The following CINP variants were observed in gnomAD, a reference collection of about 807,000 sequenced individuals.
The protein encoded by CINP is cyclin-dependent kinase 2-interacting protein.
A neutral mutation model predicts 20.5 loss-of-function variants in CINP; 11 were observed. That is an observed-to-expected ratio of 0.54 (90% CI 0.34 to 0.89). The LOEUF (loss-of-function observed/expected upper bound fraction) is 0.89. CINP is among the 40% of genes least tolerant of loss of function. The pLI is 0.02. For synonymous variants in CINP, 108 were observed against 102.1 expected, an observed-to-expected ratio of 1.06 and a Z score of -0.35; for missense variants, 213 against 251.0, an observed-to-expected ratio of 0.85 and a Z score of 1.02.
At chr14:102,350,967 A>G (rs1270656243) in intron 3 of CINP, among the ~76,000 whole-genome samples, 1 of 152,048 alleles carries the variant, frequency 6.6e-6, no homozygotes, top group African/African-American at 2.4e-5. Context: ...CTGGGATTGC[A>G]GGCATGTGCC....
intron 3 of CINP, among the ~76,000 whole-genome samples, chr14:102,350,314 G>C (rs1322556770): frequency 6.6e-6 from 1 of 151,924 alleles, no homozygotes; most frequent in Admixed American, 6.6e-5. Context: ...CATTTCACTA[G>C]GATTTCCAAA....
chr14:102,357,383 A>AC (rs1597749592), intron 2 of CINP, among the ~76,000 whole-genome samples: 1 of 83,330 alleles, frequency 1.2e-5, no homozygotes, highest in South Asian at 5.7e-4. Flanking sequence ...CTCCATCTCT[A>AC]CAAAAAAAAA....
chr14:102,351,916 G>C lies in CINP; in HGVS notation c.307-1868C>G, dbSNP rs1233100936. ...TTTGTTTTTTTTGAGACAGAGTCTCGCTTTGTCACCCAGGCTGGAGTGCAG... is the reference window on the plus strand; with the variant it reads ...TTTGTTTTTTTTGAGACAGAGTCTCCCTTTGTCACCCAGGCTGGAGTGCAG... On this transcript the variant is annotated intron_variant, in intron 3 of 4. Transcript: ENST00000216756. This position sits in a 1 kb window ranked among gnomAD's most constrained non-coding sequence, Gnocchi z 4.2. Among the ~76,000 whole-genome samples the C allele has an allele frequency of 6.6e-6, 1 of 151,930 alleles. No homozygotes were observed. The highest frequency in any genetic ancestry group is 2.1e-4 in the South Asian group (1 of 4,818).
Position 102,350,397 on chromosome 14 carries a change from C to CT in CINP, c.307-350dup, listed in dbSNP as rs562589337. Reference sequence around the variant, plus strand: ...GCTCTTGCTGCCTTTTTTTTTTTTTCTTTTTTTTTTTGCGACAGGGTCTCA... The same window carrying CT: ...GCTCTTGCTGCCTTTTTTTTTTTTTCTTTTTTTTTTTTGCGACAGGGTCTCA... On this transcript the variant is annotated intron_variant, in intron 3 of 4. Coordinates refer to ENST00000216756, the MANE Select transcript of CINP (RefSeq NM_032630.3). Among the ~76,000 whole-genome samples, 267 of 126,624 alleles carry CT rather than the reference C, an allele frequency of 2.1e-3. 3 individuals carry two copies. Among genetic ancestry groups the CT allele is most frequent in the African/African-American group, 3.9e-3 (129 of 32,948 alleles). The allele number at this position is 126,624 out of a possible 152,430, so 83.1% of individuals were successfully genotyped here.
Position 102,349,992 on chromosome 14 carries a change from T to C in CINP, c.363A>G (p.Glu121=). The stretch of plus-strand genomic sequence containing the variant: ...CCTCCCCATAATGGTAGTTTTCTAG[T>C]TCACAAATTCCCTTGGTAGTTGAAG... ...KLSSTTKGIC[E]LENYHYGEES... The change falls in exon 4 of 5, where the codon GAA becomes GAG. Residue 121 remains glutamate, a synonymous_variant. Transcript: ENST00000216756. 1.2e-6 allele frequency: 2 copies of C among 1,613,960 alleles called. No homozygotes were observed. Among genetic ancestry groups the C allele is most frequent in the Non-Finnish European group, 8.5e-7 (1 of 1,179,868 alleles).
At chr14:102,353,717 CTG>C (rs1428661637) in intron 3 of CINP, among the ~76,000 whole-genome samples, 3 of 152,170 alleles carry the variant, frequency 2.0e-5, no homozygotes, top group Admixed American at 2.0e-4. Flanking sequence ...GTCTGAGAAA[CTG>C]TCACGGCCAA....
intron 4 of CINP, 33 bp downstream of exon 4, chr14:102,349,886 C>A: frequency 1.9e-6 from 3 of 1,612,580 alleles, no homozygotes; most frequent in Non-Finnish European, 2.5e-6. Context: ...AACCTTTACC[C>A]TCCTGAAAAT....
chr14:102,348,722 C>T lies in CINP; in HGVS notation c.474G>A (p.Lys158=), dbSNP rs185815549. 19 of 1,613,912 alleles carry T rather than the reference C, an allele frequency of 1.2e-5. No individual in the cohort carries two copies. The East Asian group carries it at 4.2e-4, about 36-fold the overall frequency. ...CCACCGTGCGCTTCAGGAGCAGCTC[C>T]TTCCTGTACATCTCCAAGAGCTTAT... ...VSHKLLEMYR[K]ELLLKRTVAK... is the part of the protein sequence containing the mutation. Residue 158 remains lysine (K), a synonymous_variant, in exon 5 of 5, where the codon AAG becomes AAA. Transcript: ENST00000216756.
At chr14:102,352,939 G>A (rs2139628351) in intron 3 of CINP, among the ~76,000 whole-genome samples, 1 of 151,728 alleles carries the variant, frequency 6.6e-6, no homozygotes, top group South Asian at 2.1e-4. Flanking sequence ...ATGAGCCACT[G>A]CGCCTGGCCA....
rs553794261 is a variant in CINP, at chr14:102,359,381, T to G, written c.176+38A>C. ...ACATTATTTCCCCAGTTATTAAGGG[T>G]GAAAAACTTAGAGCATGAAAAACCA... On this transcript the variant is annotated intron_variant, in intron 2 of 4. Transcript: ENST00000216756. The G allele has an allele frequency of 3.7e-5, 54 of 1,479,396 alleles. No homozygotes were observed. The South Asian group carries it at 6.7e-4, about 18-fold the overall frequency. 91.6% of individuals were successfully genotyped at this position (1,479,396 alleles called of 1,614,324 possible).
rs532631710 is a variant in CINP, at chr14:102,357,382, T to C, written c.177-1485A>G. Among the ~76,000 whole-genome samples, 20 of 5,104 alleles carry C rather than the reference T, an allele frequency of 3.9e-3. No homozygotes were observed. In the East Asian group the frequency reaches 0.061, roughly 16 times the overall value. 3.3% of individuals were successfully genotyped at this position (5,104 alleles called of 152,430 possible). On this transcript the variant is annotated intron_variant, in intron 2 of 4. Coordinates refer to ENST00000216756, the MANE Select transcript of CINP (RefSeq NM_032630.3). Reference sequence around the variant, plus strand: ...GAGCGACAGAGCGAGACTCCATCTCTACAAAAAAAAAAAAAAAAAAGCTAA... The same window carrying C: ...GAGCGACAGAGCGAGACTCCATCTCCACAAAAAAAAAAAAAAAAAAGCTAA...
intron 3 of CINP, among the ~76,000 whole-genome samples, chr14:102,353,813 G>A (rs1054332155): frequency 6.6e-6 from 1 of 152,088 alleles, no homozygotes; most frequent in African/African-American, 2.4e-5. Flanking sequence ...CTAAGGCAGG[G>A]CGCCAGGGCT....
intron 1 of CINP, 56 bp downstream of exon 1, chr14:102,362,789 C>A (rs1597753484): frequency 6.2e-7 from 1 of 1,611,048 alleles, no homozygotes; most frequent in Non-Finnish European, 8.5e-7. Flanking sequence ...AACCTGCGGC[C>A]TAAGCAGTAA....
intron 3 of CINP, 143 bp from the exon 4 acceptor site, chr14:102,350,191 A>G (rs1296468054): frequency 3.0e-6 from 2 of 671,970 alleles, no homozygotes; most frequent in Non-Finnish European, 2.4e-6. Flanking sequence ...CTCTACGTAC[A>G]GCAAATTCCC....
chr14:102,355,473 C>T, intron 3 of CINP: 1 of 243,712 alleles, frequency 4.1e-6, no homozygotes, highest in Non-Finnish European at 8.1e-6. Context: ...CAAGATCACG[C>T]CATTGCACTC....
At chr14:102,362,637 CAT>C (rs1182049716) in intron 1 of CINP, 1 of 720,858 alleles carries the variant, frequency 1.4e-6, no homozygotes, top group Non-Finnish European at 2.6e-6. Flanking sequence ...TGTCACTGCA[CAT>C]GTGAAAAAAC....
chr14:102,357,209 G>A (rs868398154), intron 2 of CINP, among the ~76,000 whole-genome samples: 12 of 152,014 alleles, frequency 7.9e-5, no homozygotes, highest in Admixed American at 3.9e-4. Flanking sequence ...GTGAAACTCC[G>A]TCTCTACTAA....
chr14:102,357,495 TA>T (rs1379199459), intron 2 of CINP, among the ~76,000 whole-genome samples: 3 of 151,936 alleles, frequency 2.0e-5, no homozygotes, highest in Non-Finnish European at 4.4e-5. Context: ...TTAAAGGTGC[TA>T]CTCCAGTGAA....
intron 1 of CINP, among the ~76,000 whole-genome samples, chr14:102,360,648 A>C (rs1887119477): frequency 6.6e-6 from 1 of 152,184 alleles, no homozygotes. Context: ...AGGATTGCTG[A>C]GATTAGATAA....
Sources: allele counts gnomAD v4.1 joint callset (sites outside exome capture counted in the v4.1 genomes callset), GRCh38; gene constraint gnomAD v4.1.1; non-coding constraint Gnocchi (gnomAD v3.1); transcripts MANE v1.5; gene names NCBI Gene and HGNC (gene_info 2026-07-23, HGNC 2026-07-21).